Variants in LILRB1 observed in about 807,000 individuals in gnomAD.
LILRB1 encodes the protein leukocyte immunoglobulin-like receptor subfamily B member 1.
A neutral mutation model predicts 74.6 loss-of-function variants in LILRB1; 59 were observed. The ratio of observed to expected loss-of-function variants is 0.79; its 90% CI spans 0.64 to 0.98. The LOEUF is 0.98. Ranked by LOEUF, LILRB1 falls within the 50% of genes least tolerant of loss-of-function variation. LILRB1 has a pLI of 0.00. For missense variants in LILRB1, 804 were observed against 822.6 expected (o/e 0.98, Z 0.28); for synonymous variants, 328 against 333.9 (o/e 0.98, Z 0.19).
In LILRB1 at chr19:54,630,744, G is replaced by A. The variant is rs954817503; in HGVS notation, c.-49+111G>A. 1.1e-5 allele frequency: 8 copies of A among 697,142 alleles called. No individual in the cohort carries two copies. In the African/African-American group the frequency reaches 1.5e-4, roughly 13 times the overall value. 43.2% of individuals were successfully genotyped at this position (697,142 alleles called of 1,614,324 possible). A position where few individuals can be genotyped will look rare whatever the true frequency, so the allele number is the denominator to read the frequency against. On this transcript the variant is annotated intron_variant, in intron 1 of 14. Coordinates refer to ENST00000324602, the MANE Select transcript of LILRB1 (RefSeq NM_001081637.3). ...TCCGCTACCCTCGTCAGGAAGGGCA[G>A]ACACAGGAAGGAACCAGTTTTATTT...
At chr19:54,636,206 G>A (rs1225997592) in intron 13 of LILRB1, 7,024 of 574,722 alleles carry the variant, frequency 0.012, 130 homozygotes, top group Non-Finnish European at 0.015. Context: ...ACGATCCTCT[G>A]ATGGACGAGC....
Position 54,636,650 on chromosome 19 carries a change from G to T in LILRB1, c.1810G>T (p.Glu604Ter). Residue 604 changes from glutamate (E) to a stop codon, truncating the protein, a stop_gained and splice_region_variant, in exon 14 of 15, where the codon GAG (glutamate) becomes TAG (stop). Transcript: ENST00000324602. LOFTEE classifies it low-confidence loss of function (END_TRUNC). ...QAEEDRQMDT[E>*]AAASEAPQDV... is the part of the protein sequence containing the mutation. ...GGAAGAGGACAGGCAGATGGACACTGAGGTGAGTCCTTTCCTCTCCAGGCC... is the reference window on the plus strand; with the variant it reads ...GGAAGAGGACAGGCAGATGGACACTTAGGTGAGTCCTTTCCTCTCCAGGCC... 1 of 1,610,858 alleles carries T rather than the reference G, an allele frequency of 6.2e-7. No homozygotes were observed. Among genetic ancestry groups the T allele is most frequent in the Non-Finnish European group, 8.5e-7 (1 of 1,178,984 alleles).
chr19:54,619,080 G>A (rs1037380814), intron 1 of LILRB1, among the ~76,000 whole-genome samples: 3 of 152,012 alleles, frequency 2.0e-5, no homozygotes, highest in Non-Finnish European at 2.9e-5. Context: ...TTAATTCAAA[G>A]CTTTTTTAAA....
chr19:54,633,586 G>A (rs2064110829), intron 7 of LILRB1, 52 bp from the exon 8 acceptor site: 2 of 1,559,666 alleles, frequency 1.3e-6, no homozygotes, highest in Non-Finnish European at 1.7e-6. Flanking sequence ...GTTTGAGGTG[G>A]AGACTTCAGG....
chr19:54,628,664 C>A (rs1158670932), upstream of LILRB1, among the ~76,000 whole-genome samples: 1 of 152,126 alleles, frequency 6.6e-6, no homozygotes, highest in East Asian at 1.9e-4. Flanking sequence ...CTGGGCATCA[C>A]CCTCCAGGAG....
chr19:54,636,792 A>G lies in LILRB1; in HGVS notation c.1873A>G (p.Arg625Gly). The G allele has an allele frequency of 6.2e-7, 1 of 1,610,896 alleles. No homozygotes were observed. Among genetic ancestry groups the G allele is most frequent in the Non-Finnish European group, 8.5e-7 (1 of 1,179,218 alleles). The part of the protein sequence containing the change: ...TYAQLHSLTL[R>G]REATEPPPSQ... ...CGCCCAGCTGCACAGCTTGACCCTCAGACGGGAGGCAACTGAGCCTCCTCC... is the reference window on the plus strand; with the variant it reads ...CGCCCAGCTGCACAGCTTGACCCTCGGACGGGAGGCAACTGAGCCTCCTCC... Residue 625 changes from arginine to glycine, a missense_variant, in exon 15 of 15, where the codon AGA (arginine) becomes GGA (glycine). Transcript: ENST00000324602.
Position 54,632,009 on chromosome 19 carries a change from T to C in LILRB1, c.433T>C (p.Cys145Arg), listed in dbSNP as rs1411342426. 2.5e-6 allele frequency: 4 copies of C among 1,614,032 alleles called. No individual in the cohort carries two copies. The highest frequency in any genetic ancestry group is 2.5e-6 in the Non-Finnish European group (3 of 1,179,936). ...VNSGGNVTLQ[C>R]DSQVAFDGFI... ...CTCAGGAGGGAATGTAACCCTCCAG[T>C]GTGACTCACAGGTGGCATTTGATGG... The change falls in exon 5 of 15, where the codon TGT becomes CGT. Residue 145 changes from cysteine (C) to arginine (R), a missense_variant. Coordinates refer to ENST00000324602, the MANE Select transcript of LILRB1 (RefSeq NM_001081637.3).
chr19:54,631,976 G>A lies in LILRB1; in HGVS notation c.400G>A (p.Val134Met), dbSNP rs764867290. 1.8e-5 allele frequency: 29 copies of A among 1,614,012 alleles called. No homozygotes were observed. In the Admixed American group the frequency reaches 2.3e-4, roughly 13 times the overall value. ...CACCCTCTCAGCCCAGCCCAGCCCC[G>A]TGGTGAACTCAGGAGGGAATGTAAC... is the stretch of plus-strand genomic sequence containing the variant. Reference protein sequence around the residue: ...KPTLSAQPSPVVNSGGNVTLQ... With the variant: ...KPTLSAQPSPMVNSGGNVTLQ... The change falls in exon 5 of 15, where the codon GTG becomes ATG. Residue 134 changes from valine to methionine, a missense_variant. Coordinates refer to ENST00000324602, the MANE Select transcript of LILRB1 (RefSeq NM_001081637.3).
At position 54,630,526 on chromosome 19, in the gene LILRB1, G is replaced by T. The variant is rs564801268; in HGVS notation, c.-156G>T. The T allele has an allele frequency of 4.4e-5, 23 of 523,964 alleles. No homozygotes were observed. The highest frequency in any genetic ancestry group is 3.3e-4 in the South Asian group (22 of 66,244). 32.5% of individuals were successfully genotyped at this position (523,964 alleles called of 1,614,324 possible). The stretch of plus-strand genomic sequence containing the variant: ...TCACTGCCACACGCAGCTCAGCCTG[G>T]GCGGCACAGCCAGATGCGAGATGCG... On this transcript the variant is annotated 5_prime_UTR_variant, in exon 1 of 15. Coordinates refer to ENST00000324602, the MANE Select transcript of LILRB1 (RefSeq NM_001081637.3).
intron 10 of LILRB1, 168 bp from the exon 11 acceptor site, chr19:54,634,936 G>A (rs1362175271): frequency 3.5e-6 from 5 of 1,449,200 alleles, no homozygotes; most frequent in Admixed American, 4.2e-5. Flanking sequence ...TTCGGGCTCA[G>A]TGCCATCTAC....
Position 54,632,483 on chromosome 19 carries a change from ACT to A in LILRB1, c.685_686del (p.Val230AlafsTer9). On this transcript the variant is annotated frameshift_variant, in exon 6 of 15. Transcript: ENST00000324602. LOFTEE classifies it high-confidence loss of function. ...LVLGVSKKPS[L>X]SVQPGPIVAP... The stretch of plus-strand genomic sequence containing the variant: ...TCCCAGGTGTTTCTAAGAAGCCATC[ACT>A]CTCAGTGCAGCCAGGTCCTATCGTG... 3 of 1,606,696 alleles carry A rather than the reference ACT, an allele frequency of 1.9e-6. No individual in the cohort carries two copies. Among genetic ancestry groups the A allele is most frequent in the Non-Finnish European group, 2.6e-6 (3 of 1,174,992 alleles).
intron 10 of LILRB1, 43 bp downstream of exon 10, chr19:54,634,806 G>A (rs1568602691): frequency 6.2e-7 from 1 of 1,606,514 alleles, no homozygotes; most frequent in Non-Finnish European, 8.5e-7. Flanking sequence ...ACCGAGGGTG[G>A]GCTCAGGGCA....
chr19:54,633,302 G>A lies in LILRB1; in HGVS notation c.1245G>A (p.Leu415=), dbSNP rs1297957475. ...TGCTGACTCACCCCAGTGACCCCCT[G>A]GAGCTCGTGGTCTCAGGTGGGGGCC... ...PYLLTHPSDP[L]ELVVSGPSGG... Residue 415 remains leucine, a synonymous_variant, in exon 7 of 15, where the codon CTG becomes CTA. Coordinates refer to ENST00000324602, the MANE Select transcript of LILRB1 (RefSeq NM_001081637.3). 6.2e-7 allele frequency: 1 copy of A among 1,613,918 alleles called. No individual in the cohort carries two copies. The highest frequency in any genetic ancestry group is 2.2e-5 in the East Asian group (1 of 44,872).
At chr19:54,634,367 C>G (rs978421578) in intron 9 of LILRB1, 2 of 1,538,742 alleles carry the variant, frequency 1.3e-6, no homozygotes, top group Admixed American at 3.9e-5. Flanking sequence ...CCTGCAGCTC[C>G]GGGGCTCGGC....
rs776262835 is a variant in LILRB1, at chr19:54,633,686, C to T, written c.1310C>T (p.Ser437Phe). Residue 437 changes from serine (S) to phenylalanine (F), a missense_variant and splice_region_variant, in exon 8 of 15, where the codon TCT becomes TTT. Ser to Phe is a radical substitution (Grantham distance 155). Transcript: ENST00000324602. Reference protein sequence around the residue: ...SSPTTGPTSTSAGPEDQPLTP... With the variant: ...SSPTTGPTSTFAGPEDQPLTP... ...CCGACAACAGGCCCCACCTCCACAT[C>T]TGGTGAGTCCCTGAGGCTTCTGAAC... The T allele has an allele frequency of 1.9e-6, 3 of 1,613,728 alleles. No individual in the cohort carries two copies. The highest frequency in any genetic ancestry group is 2.5e-6 in the Non-Finnish European group (3 of 1,179,806).
chr19:54,637,810 C>T lies in LILRB1; in HGVS notation c.*932C>T, dbSNP rs775292617. On this transcript the variant is annotated 3_prime_UTR_variant, in exon 15 of 15. Coordinates refer to ENST00000324602, the MANE Select transcript of LILRB1 (RefSeq NM_001081637.3). ...CAGACAGCCCTACAGATCGTACACA[C>T]GTTTTCCAAAACTAACAATGGAACA... Among the ~76,000 whole-genome samples, 1 of 152,144 alleles carries T rather than the reference C, an allele frequency of 6.6e-6. No homozygotes were observed. Among genetic ancestry groups the T allele is most frequent in the Non-Finnish European group, 1.5e-5 (1 of 68,038 alleles).
chr19:54,630,674 AG>A, intron 1 of LILRB1, 41 bp downstream of exon 1: 1 of 823,818 alleles, frequency 1.2e-6, no homozygotes, highest in Non-Finnish European at 2.0e-6. Flanking sequence ...CGGCTGAAGG[AG>A]GGAGGGTGAC....
At chr19:54,618,110 A>G (rs2063358837) in intron 1 of LILRB1, among the ~76,000 whole-genome samples, 1 of 146,476 alleles carries the variant, frequency 6.8e-6, no homozygotes, top group Non-Finnish European at 1.5e-5. Flanking sequence ...CAAAAAAAAA[A>G]AAAAAGAAAA....
chr19:54,635,783 C>T (rs989637096), intron 13 of LILRB1, 174 bp downstream of exon 13: 4 of 805,410 alleles, frequency 5.0e-6, no homozygotes, highest in Non-Finnish European at 2.2e-6. Context: ...TGTCCTGGGA[C>T]CTCGTGGGCC....
Sources: allele counts gnomAD v4.1 joint callset (sites outside exome capture counted in the v4.1 genomes callset), GRCh38; gene constraint gnomAD v4.1.1; transcripts MANE v1.5; gene names NCBI Gene and HGNC (gene_info 2026-07-23, HGNC 2026-07-21).